The following MBD5 variants were observed in gnomAD, a reference collection of about 807,000 sequenced individuals.
The protein encoded by MBD5 is methyl-CpG binding domain protein 5.
A neutral mutation model predicts 117.3 loss-of-function variants in MBD5; 13 were observed. The ratio of observed to expected loss-of-function variants is 0.11; its 90% CI spans 0.07 to 0.18. The LOEUF (loss-of-function observed/expected upper bound fraction) is 0.18, where lower values mean the gene tolerates loss of function less well. MBD5 is among the 10% of genes least tolerant of loss of function. The pLI is 1.00. For missense variants in MBD5, 1,879 were observed against 2,093.8 expected (o/e 0.90, Z 2.00); for synonymous variants, 727 against 766.4 (o/e 0.95, Z 0.85).
intron 1 of MBD5, among the ~76,000 whole-genome samples, chr2:148,074,484 G>GGTTTTTTTTTGTT (rs1695441485): frequency 1.6e-3 from 202 of 123,164 alleles, no homozygotes; most frequent in African/African-American, 6.7e-3. Context: ...GGAATAGTTT[G>GGTTTTTTTTTGTT]TTTTTTTTTT....
At chr2:148,371,919 C>T (rs1380237755) in intron 4 of MBD5, among the ~76,000 whole-genome samples, 1 of 152,124 alleles carries the variant, frequency 6.6e-6, no homozygotes, top group Non-Finnish European at 1.5e-5. Flanking sequence ...CCTGCTTTGG[C>T]TTATATTCAT....
chr2:148,059,833 G>A (rs1326847802), intron 1 of MBD5, among the ~76,000 whole-genome samples: 7 of 149,984 alleles, frequency 4.7e-5, no homozygotes, highest in African/African-American at 7.4e-5. Flanking sequence ...GAGACAGAGC[G>A]AGACTCCGTC....
intron 4 of MBD5, among the ~76,000 whole-genome samples, chr2:148,453,417 G>GCA (rs139315490): frequency 1.3e-5 from 2 of 151,288 alleles, no homozygotes; most frequent in Admixed American, 6.6e-5. Flanking sequence ...ATACACACAG[G>GCA]CACACACACA....
rs771325235 is a variant in MBD5, at chr2:148,468,587, G to T, written c.644G>T (p.Arg215Leu). The part of the protein sequence containing the change: ...SSEHGQKSPF[R>L]GSHGGLPSPA... Reference sequence around the variant, plus strand: ...GAACATGGACAGAAATCTCCATTCCGTGGCAGCCATGGAGGCCTGCCCAGC... The same window carrying T: ...GAACATGGACAGAAATCTCCATTCCTTGGCAGCCATGGAGGCCTGCCCAGC... Residue 215 changes from arginine (R) to leucine (L), a missense_variant, in exon 8 of 14, where the codon CGT becomes CTT. Around this residue, in one of 4 missense-constraint regions of MBD5, gnomAD observed 1,666 missense variants for 1,792.2 expected, o/e 0.93. Coordinates refer to ENST00000642680, the MANE Select transcript of MBD5 (RefSeq NM_001378120.1). The T allele has an allele frequency of 3.1e-6, 5 of 1,613,704 alleles. No homozygotes were observed.
Position 148,458,776 on chromosome 2 carries a change from G to C in MBD5, c.18G>C (p.Glu6Asp), listed in dbSNP as rs762318711. 6.2e-7 allele frequency: 1 copy of C among 1,613,578 alleles called. No individual in the cohort carries two copies. Among genetic ancestry groups the C allele is most frequent in the Non-Finnish European group, 8.5e-7 (1 of 1,179,616 alleles). ...CACAGAAAATGAATGGAGGCAAAGA[G>C]TGTGACGGAGGGGACAAGGAAGGAG... MNGGK[E>D]CDGGDKEGGL... is the part of the protein sequence containing the mutation. Residue 6 changes from glutamate to aspartate, a missense_variant, in exon 5 of 14, where the codon GAG becomes GAC. Transcript: ENST00000642680.
At chr2:148,498,447 C>T (rs1237183002) in intron 11 of MBD5, among the ~76,000 whole-genome samples, 3 of 152,208 alleles carry the variant, frequency 2.0e-5, no homozygotes, top group Non-Finnish European at 4.4e-5. Context: ...AAACAATTCT[C>T]CTGCCTCAGC....
At chr2:148,179,797 G>C (rs1379051373) in intron 2 of MBD5, among the ~76,000 whole-genome samples, 1 of 152,156 alleles carries the variant, frequency 6.6e-6, no homozygotes, top group Non-Finnish European at 1.5e-5. Context: ...TGGAAGCCTG[G>C]AGAGTATGTG....
At chr2:148,417,429 G>A (rs1421547080) in intron 4 of MBD5, among the ~76,000 whole-genome samples, 1 of 151,342 alleles carries the variant, frequency 6.6e-6, no homozygotes, top group Admixed American at 6.6e-5. Flanking sequence ...ATGAGCCACT[G>A]TGCCCAGCTG....
At chr2:148,241,743 G>A (rs776758824) in intron 3 of MBD5, among the ~76,000 whole-genome samples, 45 of 152,128 alleles carry the variant, frequency 3.0e-4, no homozygotes, top group Non-Finnish European at 6.2e-4. Context: ...CCATATAAAC[G>A]TAGAATTATA....
intron 4 of MBD5, among the ~76,000 whole-genome samples, chr2:148,454,473 G>T (rs1353849907): frequency 6.6e-6 from 1 of 152,154 alleles, no homozygotes; most frequent in Non-Finnish European, 1.5e-5. Context: ...AAAGCAAGTT[G>T]CAGAATTATA....
chr2:148,160,397 A>G (rs1697980783), intron 1 of MBD5, among the ~76,000 whole-genome samples: 1 of 151,300 alleles, frequency 6.6e-6, no homozygotes, highest in Non-Finnish European at 1.5e-5. Flanking sequence ...ACTCCATCTC[A>G]AAAAAAAAGG....
intron 3 of MBD5, among the ~76,000 whole-genome samples, chr2:148,334,187 C>T (rs1368676923): frequency 6.6e-6 from 1 of 152,088 alleles, no homozygotes; most frequent in Non-Finnish European, 1.5e-5. Context: ...AATTGTAGTA[C>T]AAAATTGCTG....
Position 148,275,768 on chromosome 2 carries a change from AC to A in MBD5, c.-680+42374del, listed in dbSNP as rs200692550. Among the ~76,000 whole-genome samples the A allele has an allele frequency of 2.2e-3, 326 of 150,250 alleles. 1 individual carries two copies. The highest frequency in any genetic ancestry group is 7.7e-3 in the African/African-American group (316 of 40,948). ...AGTTAACCATCACAGCCTGGAAATC[AC>A]TTTTTTTTTTTGGCTCATTTTTCTT... is the stretch of plus-strand genomic sequence containing the variant. On this transcript the variant is annotated intron_variant, in intron 3 of 13. Coordinates refer to ENST00000642680, the MANE Select transcript of MBD5 (RefSeq NM_001378120.1).
intron 4 of MBD5, among the ~76,000 whole-genome samples, chr2:148,370,916 A>G (rs985143154): frequency 2.0e-5 from 3 of 152,204 alleles, no homozygotes; most frequent in African/African-American, 7.2e-5. Flanking sequence ...AAGAATATAG[A>G]TGAGGGATAA....
intron 4 of MBD5, among the ~76,000 whole-genome samples, chr2:148,353,288 A>G (rs1259079428): frequency 6.6e-6 from 1 of 152,166 alleles, no homozygotes; most frequent in African/African-American, 2.4e-5. Flanking sequence ...TGAAGGGTGT[A>G]TATGTGAGCA....
At chr2:148,357,282 G>A (rs570595830) in intron 4 of MBD5, among the ~76,000 whole-genome samples, 60 of 152,244 alleles carry the variant, frequency 3.9e-4, no homozygotes, top group African/African-American at 1.3e-3. Flanking sequence ...AAAGACTGTG[G>A]TGAGGAGAAG....
intron 1 of MBD5, among the ~76,000 whole-genome samples, chr2:148,139,155 T>C (rs554471023): frequency 6.6e-6 from 1 of 152,318 alleles, no homozygotes; most frequent in Admixed American, 6.5e-5. Context: ...AGAGGATGTA[T>C]TGGTCCAGAG....
chr2:148,426,464 A>G (rs886914857), intron 4 of MBD5, among the ~76,000 whole-genome samples: 1 of 151,982 alleles, frequency 6.6e-6, no homozygotes, highest in East Asian at 1.9e-4. Flanking sequence ...ATATAGACCA[A>G]TGGAGCAGAA....
intron 8 of MBD5, among the ~76,000 whole-genome samples, chr2:148,477,710 T>C (rs1559092039): frequency 6.6e-6 from 1 of 152,196 alleles, no homozygotes; most frequent in South Asian, 2.1e-4. Context: ...TTTTCTCTTA[T>C]CTACATGCAT....
Sources: gnomAD v4.1 joint callset for allele counts (sites outside exome capture counted in the v4.1 genomes callset) on GRCh38, gnomAD v4.1.1 for gene constraint, gnomAD v4.1.1 regional missense constraint, MANE v1.5 for transcripts, NCBI Gene and HGNC (gene_info 2026-07-23, HGNC 2026-07-21) for gene names.